CTBP1: variants seen among roughly 807,000 people sequenced by gnomAD.
The protein encoded by CTBP1 is C-terminal binding protein 1, also known as C-terminal-binding protein 1.
A neutral mutation model predicts 42.1 loss-of-function variants in CTBP1; 11 were observed. The ratio of observed to expected loss-of-function variants is 0.26; its 90% CI spans 0.16 to 0.43. CTBP1 has a LOEUF of 0.43. CTBP1 is among the 20% of genes least tolerant of loss of function. The pLI is 1.00. For missense variants in CTBP1, 399 were observed against 624.3 expected (o/e 0.64, Z 3.85); for synonymous variants, 324 against 277.1 (o/e 1.17, Z -1.68).
chr4:1,242,894 C>G (rs1046709039), intron 1 of CTBP1: 1 of 985,312 alleles, frequency 1.0e-6, no homozygotes, highest in Admixed American at 6.1e-5. Flanking sequence ...CACCCACGCC[C>G]AGCCAAACTC....
intron 5 of CTBP1, among the ~76,000 whole-genome samples, chr4:1,220,016 A>C (rs1396305889): frequency 6.6e-6 from 1 of 152,234 alleles, no homozygotes; most frequent in African/African-American, 2.4e-5. Flanking sequence ...AGCCTGGCCA[A>C]CATGGCAAAA....
rs759145559 is a variant in CTBP1, at chr4:1,216,209, G to A, written c.515-4C>T. On this transcript the variant is annotated splice_polypyrimidine_tract_variant and splice_region_variant and intron_variant, in intron 5 of 9. Coordinates refer to ENST00000382952, the MANE Select transcript of CTBP1 (RefSeq NM_001012614.2). Reference sequence around the variant, plus strand: ...GCCACTGCCTGCCCCACGCGACCTGGTGGCGTCAAGACACAGTGTGAGACC... The same window carrying A: ...GCCACTGCCTGCCCCACGCGACCTGATGGCGTCAAGACACAGTGTGAGACC... 2.4e-5 allele frequency: 38 copies of A among 1,607,948 alleles called. No homozygotes were observed. The highest frequency in any genetic ancestry group is 3.3e-5 in the Admixed American group (2 of 59,814).
At chr4:1,248,846 C>T (rs1733056403) in intron 1 of CTBP1, 70 bp downstream of exon 1, 5 of 914,546 alleles carry the variant, frequency 5.5e-6, no homozygotes, top group Non-Finnish European at 6.5e-6. Flanking sequence ...CCCCGCGCCC[C>T]CCGCCCGCGC....
intron 5 of CTBP1, chr4:1,221,842 A>G (rs1377760237): frequency 2.3e-6 from 1 of 434,258 alleles, no homozygotes; most frequent in African/African-American, 2.0e-5. Context: ...GTGTGCACCT[A>G]AGACAGTGCA....
chr4:1,246,191 G>A lies in CTBP1; in HGVS notation c.-189+2725C>T, dbSNP rs111818417. Among the ~76,000 whole-genome samples, 539 of 152,262 alleles carry A rather than the reference G, an allele frequency of 3.5e-3. 6 individuals carry two copies. Among genetic ancestry groups the A allele is most frequent in the African/African-American group, 0.012 (517 of 41,538 alleles). On this transcript the variant is annotated intron_variant, in intron 1 of 9. Transcript: ENST00000382952. ...TCCGGCCACTGCAGCTGACAATGGA[G>A]GACCCGGGGGTCCAGACACTCCCGG... is the stretch of plus-strand genomic sequence containing the variant.
At chr4:1,223,861 T>C (rs1240757866) in intron 5 of CTBP1, among the ~76,000 whole-genome samples, 1 of 152,128 alleles carries the variant, frequency 6.6e-6, no homozygotes, top group Non-Finnish European at 1.5e-5. Flanking sequence ...CGCTCTGAGC[T>C]CAACCTGGGC....
intron 6 of CTBP1, among the ~76,000 whole-genome samples, chr4:1,214,996 G>A (rs112060964): frequency 1.5e-4 from 23 of 152,282 alleles, no homozygotes; most frequent in African/African-American, 4.8e-4. Context: ...GCTCTCCCTC[G>A]GCTTCGTGGC....
intron 3 of CTBP1, among the ~76,000 whole-genome samples, chr4:1,231,431 C>G (rs971810537): frequency 1.3e-5 from 2 of 152,216 alleles, no homozygotes; most frequent in South Asian, 4.1e-4. Flanking sequence ...CCACTCTGCT[C>G]AGTGCCCTCA....
intron 1 of CTBP1, 145 bp downstream of exon 1, chr4:1,248,771 G>C: frequency 2.1e-6 from 2 of 970,158 alleles, no homozygotes; most frequent in South Asian, 9.5e-5. Flanking sequence ...GGCCACGCGC[G>C]GACGCCGGCG....
At chr4:1,239,744 C>T (rs146096015) in intron 2 of CTBP1, among the ~76,000 whole-genome samples, 21 of 152,382 alleles carry the variant, frequency 1.4e-4, no homozygotes, top group Non-Finnish European at 2.4e-4. Context: ...GTGAGGTCCT[C>T]GCGCCCTGGC....
chr4:1,248,879 C>T (rs1733063725), intron 1 of CTBP1, 37 bp downstream of exon 1: 33 of 964,642 alleles, frequency 3.4e-5, no homozygotes, highest in Non-Finnish European at 4.0e-5. Context: ...GCCCCGCCCC[C>T]GCCCGCGGCC....
At chr4:1,232,757 G>A (rs1312277212) in intron 3 of CTBP1, 3 of 152,204 alleles carry the variant, frequency 2.0e-5, no homozygotes, top group African/African-American at 4.8e-5. Flanking sequence ...TCCTCTAACT[G>A]CTCTTCATTC....
rs900514015 is a variant in CTBP1, at chr4:1,233,732, GCTC to G, written c.162+4448_162+4450del. 6.6e-6 allele frequency among the ~76,000 whole-genome samples: 1 copy of G among 152,116 alleles called. No homozygotes were observed. The highest frequency in any genetic ancestry group is 2.4e-5 in the African/African-American group (1 of 41,402). ...CCTCCCAGGCCCCGACATTCTTCCCGCTCCTCCTGTGACCGCACTGACGGTATC... is the reference window on the plus strand; with the variant it reads ...CCTCCCAGGCCCCGACATTCTTCCCGCTCCTGTGACCGCACTGACGGTATC... On this transcript the variant is annotated intron_variant, in intron 3 of 9. Transcript: ENST00000382952. The surrounding 1 kb of genome is among the most constrained non-coding windows in gnomAD (Gnocchi z 4.6).
chr4:1,214,816 C>T (rs541529810), intron 6 of CTBP1, among the ~76,000 whole-genome samples: 13 of 152,368 alleles, frequency 8.5e-5, no homozygotes, highest in African/African-American at 2.9e-4. Context: ...CCCAGCCTCC[C>T]CCACGCAGGG....
chr4:1,220,019 T>C (rs905845231), intron 5 of CTBP1, among the ~76,000 whole-genome samples: 2 of 152,116 alleles, frequency 1.3e-5, no homozygotes, highest in Non-Finnish European at 2.9e-5. Context: ...CTGGCCAACA[T>C]GGCAAAAACT....
intron 3 of CTBP1, among the ~76,000 whole-genome samples, chr4:1,230,070 CGGGCCTCCTGGGA>C (rs1482189030): frequency 6.6e-6 from 1 of 152,152 alleles, no homozygotes; most frequent in Non-Finnish European, 1.5e-5. Context: ...ATGGCTGCCC[CGGGCCTCCTGGGA>C]GGGCTTTGAG....
chr4:1,226,617 C>G (rs1236918164), intron 4 of CTBP1, among the ~76,000 whole-genome samples: 1 of 150,518 alleles, frequency 6.6e-6, no homozygotes, highest in Non-Finnish European at 1.5e-5. Context: ...TGCCCCAGAC[C>G]ATCCCTGGCT....
At chr4:1,215,864 C>T in intron 6 of CTBP1, 127 bp downstream of exon 6, 1 of 1,041,306 alleles carries the variant, frequency 9.6e-7, no homozygotes, top group Non-Finnish European at 1.4e-6. Flanking sequence ...CTGGCAGCCG[C>T]CGCCATGTGG....
chr4:1,243,654 T>C, intron 1 of CTBP1: 1 of 985,424 alleles, frequency 1.0e-6, no homozygotes, highest in South Asian at 4.7e-5. Context: ...CCTAGGGCAA[T>C]GCCAGAGGCC....
Sources: gnomAD v4.1 joint callset for allele counts (sites outside exome capture counted in the v4.1 genomes callset) on GRCh38, gnomAD v4.1.1 for gene constraint, Gnocchi (gnomAD v3.1) non-coding constraint, MANE v1.5 for transcripts, NCBI Gene and HGNC (gene_info 2026-07-23, HGNC 2026-07-21) for gene names.